Variants in CEP89 observed in about 807,000 individuals in gnomAD.
The protein encoded by CEP89 is centrosomal protein of 89 kDa.
Under a neutral mutation model 97.6 loss-of-function variants are expected in CEP89, and 95 were observed. That is an observed-to-expected ratio of 0.97 (90% CI 0.82 to 1.15). The LOEUF is 1.15. Ranked by LOEUF, CEP89 falls within the 50% of genes most tolerant of loss-of-function variation. The pLI, the probability that CEP89 is intolerant of heterozygous loss-of-function variation, is 0.00. For synonymous variants in CEP89, 354 were observed against 349.1 expected (o/e 1.01, Z -0.16); for missense variants, 869 against 947.7 (o/e 0.92, Z 1.09).
At chr19:32,935,337 A>ACC in intron 7 of CEP89, among the ~76,000 whole-genome samples, 1 of 152,220 alleles carries the variant, frequency 6.6e-6, no homozygotes, top group Non-Finnish European at 1.5e-5. Context: ...CCCAAGAGGT[A>ACC]TCAAACAGCA....
intron 14 of CEP89, among the ~76,000 whole-genome samples, chr19:32,906,324 T>C (rs1969887050): frequency 6.6e-6 from 1 of 152,206 alleles, no homozygotes; most frequent in Non-Finnish European, 1.5e-5. Flanking sequence ...CCCATACTAG[T>C]TTAAAAGTTA....
intron 11 of CEP89, 149 bp downstream of exon 11, chr19:32,926,041 A>T: frequency 9.2e-6 from 6 of 652,450 alleles, no homozygotes; most frequent in Non-Finnish European, 1.6e-5. Flanking sequence ...ACCCTGCCAC[A>T]CTCCTTCCTT....
intron 8 of CEP89, among the ~76,000 whole-genome samples, chr19:32,931,978 G>A (rs1206121465): frequency 1.3e-5 from 2 of 152,176 alleles, no homozygotes; most frequent in Admixed American, 6.5e-5. Flanking sequence ...TGAGGAGATC[G>A]AGACCATCCT....
chr19:32,923,572 C>T, intron 11 of CEP89, 30 bp from the exon 12 acceptor site: 2 of 1,264,908 alleles, frequency 1.6e-6, no homozygotes, highest in Non-Finnish European at 2.3e-6. Flanking sequence ...AATTATAACA[C>T]ACACATACCC....
At chr19:32,887,979 CCACT>C (rs1599710349) in intron 16 of CEP89, 138 bp from the exon 17 acceptor site, 1 of 632,636 alleles carries the variant, frequency 1.6e-6, no homozygotes, top group African/African-American at 1.8e-5. Context: ...CCTTCCCCAC[CCACT>C]GTGTGAGGGC....
intron 12 of CEP89, among the ~76,000 whole-genome samples, chr19:32,920,375 T>C (rs1199714129): frequency 2.0e-5 from 3 of 152,200 alleles, no homozygotes; most frequent in South Asian, 4.1e-4. Context: ...CCACTAAGCC[T>C]GAGCCATTTC....
Position 32,971,878 on chromosome 19 carries a change from T to A in CEP89, c.-4A>T. 2 of 1,587,860 alleles carry A rather than the reference T, an allele frequency of 1.3e-6. No individual in the cohort carries two copies. The highest frequency in any genetic ancestry group is 2.3e-5 in the South Asian group (2 of 87,654). ...CTCTCCGAAATCCCAGGAGCATCCT[T>A]GCAGCGCGAGGAGAATGGACCGGGG... On this transcript the variant is annotated 5_prime_UTR_variant, in exon 1 of 19. It introduces an in-frame stop codon into an upstream open reading frame of the 5' UTR. Coordinates refer to ENST00000305768, the MANE Select transcript of CEP89 (RefSeq NM_032816.5).
chr19:32,918,020 TGA>T (rs1338119316), intron 13 of CEP89, among the ~76,000 whole-genome samples: 3 of 152,344 alleles, frequency 2.0e-5, no homozygotes, highest in South Asian at 2.1e-4. Context: ...CATGGGATGA[TGA>T]GAGACACTGT....
At chr19:32,930,545 A>G (rs554579748) in intron 9 of CEP89, among the ~76,000 whole-genome samples, 2 of 151,540 alleles carry the variant, frequency 1.3e-5, no homozygotes, top group East Asian at 3.9e-4. Context: ...CTGAACTCCC[A>G]GGAGCCATGG....
chr19:32,898,390 T>A (rs944534402), intron 16 of CEP89, among the ~76,000 whole-genome samples: 2 of 151,594 alleles, frequency 1.3e-5, no homozygotes, highest in African/African-American at 4.8e-5. Flanking sequence ...CATGTGGGTA[T>A]GGGTGTGTTT....
intron 14 of CEP89, among the ~76,000 whole-genome samples, chr19:32,906,899 T>C (rs1357125403): frequency 6.6e-6 from 1 of 152,138 alleles, no homozygotes; most frequent in Non-Finnish European, 1.5e-5. Flanking sequence ...CCTGAAGAAA[T>C]TTTAGAGCTT....
intron 9 of CEP89, among the ~76,000 whole-genome samples, chr19:32,930,564 C>T (rs970966205): frequency 3.3e-5 from 5 of 152,216 alleles, no homozygotes; most frequent in African/African-American, 7.2e-5. Flanking sequence ...GGGAGAACAC[C>T]GTGTGCCTTC....
intron 12 of CEP89, among the ~76,000 whole-genome samples, chr19:32,920,858 A>C (rs1286887512): frequency 1.3e-5 from 2 of 152,076 alleles, no homozygotes; most frequent in African/African-American, 4.8e-5. Flanking sequence ...GGAGTTAGGA[A>C]AAGAAATATA....
At chr19:32,946,951 C>T (rs1280437333) in intron 5 of CEP89, among the ~76,000 whole-genome samples, 1 of 152,014 alleles carries the variant, frequency 6.6e-6, no homozygotes, top group African/African-American at 2.4e-5. Flanking sequence ...TACAGTGAGA[C>T]AGTATTACTT....
At chr19:32,902,021 T>TGTGTGTGTGTGTGC in intron 14 of CEP89, among the ~76,000 whole-genome samples, 1 of 150,804 alleles carries the variant, frequency 6.6e-6, no homozygotes, top group Non-Finnish European at 1.5e-5. Flanking sequence ...TGTGTGTGTG[T>TGTGTGTGTGTGTGC]GTGTGTGTGT....
chr19:32,927,683 C>T (rs10425372), intron 9 of CEP89, among the ~76,000 whole-genome samples: 25 of 151,798 alleles, frequency 1.6e-4, no homozygotes, highest in African/African-American at 6.0e-4. Context: ...TGGCTCACTG[C>T]AACTTCTGCC....
chr19:32,932,676 A>G (rs1318431657), intron 8 of CEP89, among the ~76,000 whole-genome samples: 1 of 152,118 alleles, frequency 6.6e-6, no homozygotes. Context: ...ATAGTGGCTC[A>G]TATCTAAAAT....
At chr19:32,948,176 G>A (rs1211480663) in intron 5 of CEP89, 90 bp downstream of exon 5, 7 of 643,516 alleles carry the variant, frequency 1.1e-5, no homozygotes, top group Non-Finnish European at 1.9e-5. Context: ...AGCATGAAGG[G>A]GCAATGGGTA....
At chr19:32,915,231 G>T in intron 14 of CEP89, 106 bp downstream of exon 14, 1 of 1,006,256 alleles carries the variant, frequency 9.9e-7, no homozygotes, top group Non-Finnish European at 1.4e-6. Flanking sequence ...GGCTGGGATG[G>T]GCAGATCACT....
Sources: gnomAD v4.1 joint callset for allele counts (sites outside exome capture counted in the v4.1 genomes callset) on GRCh38, gnomAD v4.1.1 for gene constraint, MANE v1.5 for transcripts, NCBI Gene and HGNC (gene_info 2026-07-23, HGNC 2026-07-21) for gene names.